Variants in WDR70 observed in about 807,000 individuals in gnomAD.
WDR70 encodes the protein WD repeat domain 70.
In WDR70, 53 loss-of-function variants were observed where a neutral mutation model predicts 88.6. That is an observed-to-expected ratio of 0.60 (90% CI 0.48 to 0.75). The LOEUF is 0.75. WDR70 is among the 30% of genes least tolerant of loss of function. WDR70 has a pLI of 0.00. For synonymous variants in WDR70, 280 were observed against 270.0 expected (o/e 1.04, Z -0.36); for missense variants, 610 against 823.2 (o/e 0.74, Z 3.17).
chr5:37,410,994 C>T (rs1219845974), intron 5 of WDR70, among the ~76,000 whole-genome samples: 19 of 152,322 alleles, frequency 1.2e-4, no homozygotes, highest in South Asian at 4.1e-4. Context: ...ACTTTATTCT[C>T]GCTTTATTTT....
At chr5:37,626,547 A>G (rs1183849400) in intron 10 of WDR70, among the ~76,000 whole-genome samples, 1 of 152,150 alleles carries the variant, frequency 6.6e-6, no homozygotes, top group African/African-American at 2.4e-5. Context: ...AACAGTGTTC[A>G]TCAGGGATAC....
intron 3 of WDR70, among the ~76,000 whole-genome samples, chr5:37,385,872 C>T (rs929010669): frequency 2.0e-4 from 31 of 151,988 alleles, no homozygotes; most frequent in African/African-American, 6.0e-4. Context: ...GGTGCGATCT[C>T]GACTCACTGC....
chr5:37,559,666 G>A (rs932047009), intron 9 of WDR70, among the ~76,000 whole-genome samples: 1 of 152,022 alleles, frequency 6.6e-6, no homozygotes, highest in African/African-American at 2.4e-5. Context: ...CCAACATGGT[G>A]AAGCCCCGTC....
intron 10 of WDR70, among the ~76,000 whole-genome samples, chr5:37,612,557 G>A (rs968841478): frequency 3.9e-5 from 6 of 152,110 alleles, no homozygotes; most frequent in African/African-American, 1.4e-4. Context: ...ATAACTGCTG[G>A]TCTTCGTCTT....
At chr5:37,727,692 C>T (rs940181242) in intron 17 of WDR70, among the ~76,000 whole-genome samples, 1 of 152,114 alleles carries the variant, frequency 6.6e-6, no homozygotes, top group African/African-American at 2.4e-5. Context: ...TCTCCTTCCT[C>T]AGCCTCCTGG....
chr5:37,417,621 C>T (rs1468745550), intron 5 of WDR70, among the ~76,000 whole-genome samples: 1 of 151,612 alleles, frequency 6.6e-6, no homozygotes, highest in African/African-American at 2.4e-5. Flanking sequence ...TCACTGTGAC[C>T]TCAAATTCCT....
chr5:37,507,973 T>G lies in WDR70; in HGVS notation c.841-8541T>G, dbSNP rs1274219962. ...TCCGAATGCCTTTTATTTTTTTTCTTGCCTTATTGTACTTAACTAGGGCTT... is the reference window on the plus strand; with the variant it reads ...TCCGAATGCCTTTTATTTTTTTTCTGGCCTTATTGTACTTAACTAGGGCTT... On this transcript the variant is annotated intron_variant, in intron 8 of 17. Transcript: ENST00000265107. 5.9e-5 allele frequency among the ~76,000 whole-genome samples: 9 copies of G among 152,198 alleles called. No homozygotes were observed. In the South Asian group the frequency reaches 1.9e-3, roughly 32 times the overall value.
At chr5:37,610,093 C>T (rs1744143968) in intron 10 of WDR70, among the ~76,000 whole-genome samples, 1 of 151,872 alleles carries the variant, frequency 6.6e-6, no homozygotes, top group African/African-American at 2.4e-5. Context: ...GTTCAAGACT[C>T]CTGTCTCTAC....
chr5:37,534,156 C>G (rs1473033916), intron 9 of WDR70, among the ~76,000 whole-genome samples: 2 of 152,168 alleles, frequency 1.3e-5, no homozygotes, highest in Non-Finnish European at 2.9e-5. Context: ...AAGTTCTGCT[C>G]AATACTGTTC....
intron 2 of WDR70, among the ~76,000 whole-genome samples, chr5:37,380,344 CT>C (rs1379113159): frequency 5.2e-4 from 76 of 146,850 alleles, no homozygotes; most frequent in Non-Finnish European, 5.1e-4. Flanking sequence ...TCTATTCATT[CT>C]TTTTTTTTTT....
intron 10 of WDR70, among the ~76,000 whole-genome samples, chr5:37,610,230 C>T (rs1026719734): frequency 5.5e-5 from 8 of 145,370 alleles, no homozygotes; most frequent in African/African-American, 1.3e-4. Flanking sequence ...TGTGCCACTG[C>T]GCTCCAGCCT....
intron 9 of WDR70, among the ~76,000 whole-genome samples, chr5:37,565,891 A>G (rs1293452267): frequency 6.6e-6 from 1 of 152,128 alleles, no homozygotes; most frequent in Admixed American, 6.5e-5. Flanking sequence ...TGGAATCAGT[A>G]CTTACTTGCT....
chr5:37,652,450 A>G (rs936858314), intron 10 of WDR70, among the ~76,000 whole-genome samples: 2 of 152,212 alleles, frequency 1.3e-5, no homozygotes, highest in East Asian at 3.8e-4. Context: ...TATGAAATGT[A>G]AAGTAGTTTT....
chr5:37,581,153 C>T (rs1314335178), intron 9 of WDR70, among the ~76,000 whole-genome samples: 1 of 151,990 alleles, frequency 6.6e-6, no homozygotes, highest in African/African-American at 2.4e-5. Flanking sequence ...AACACTTTTC[C>T]CCAGGGACCT....
chr5:37,684,127 C>G (rs2112623086), intron 10 of WDR70, among the ~76,000 whole-genome samples: 2 of 152,140 alleles, frequency 1.3e-5, no homozygotes, highest in Admixed American at 1.3e-4. Flanking sequence ...TCATTTTGGT[C>G]TATTCTGCTA....
In WDR70 at chr5:37,503,761, T is replaced by C. The variant is rs1329536346; in HGVS notation, c.841-12753T>C. ...CTGGTCCTGAGTTTTGTTTTTTTTT[T>C]CTTGGTTGGCTATTTTTTAAATTAC... On this transcript the variant is annotated intron_variant, in intron 8 of 17. Transcript: ENST00000265107. 2.0e-5 allele frequency among the ~76,000 whole-genome samples: 3 copies of C among 152,214 alleles called. No individual in the cohort carries two copies. In the East Asian group the frequency reaches 5.8e-4, roughly 29 times the overall value.
chr5:37,583,823 C>G (rs1337488356), intron 9 of WDR70, among the ~76,000 whole-genome samples: 1 of 152,022 alleles, frequency 6.6e-6, no homozygotes. Context: ...AGTAATTATC[C>G]CTAAAAGGTA....
At chr5:37,551,803 C>T (rs1380365592) in intron 9 of WDR70, among the ~76,000 whole-genome samples, 2 of 127,034 alleles carry the variant, frequency 1.6e-5, no homozygotes, top group East Asian at 2.6e-4. Context: ...GACGGAGTCT[C>T]ACTCTGTCGC....
At position 37,623,436 on chromosome 5, in the gene WDR70, A is replaced by T. The variant is rs1261484461; in HGVS notation, c.1092+18198A>T. ...TCAGAGTTTTAAAGAAAAGATACAG[A>T]TACTACTTCCAAATAATATAAATCT... On this transcript the variant is annotated intron_variant, in intron 10 of 17. Coordinates refer to ENST00000265107, the MANE Select transcript of WDR70 (RefSeq NM_018034.4). 2.6e-5 allele frequency among the ~76,000 whole-genome samples: 4 copies of T among 152,316 alleles called. No homozygotes were observed. In the East Asian group the frequency reaches 7.7e-4, roughly 29 times the overall value.
Sources: allele counts gnomAD v4.1 joint callset (sites outside exome capture counted in the v4.1 genomes callset), GRCh38; gene constraint gnomAD v4.1.1; transcripts MANE v1.5; gene names NCBI Gene and HGNC (gene_info 2026-07-23, HGNC 2026-07-21).